Variants in TF observed in about 807,000 individuals in gnomAD.
TF encodes serotransferrin.
Under a neutral mutation model 82.4 loss-of-function variants are expected in TF, and 55 were observed. The ratio of observed to expected loss-of-function variants is 0.67; its 90% CI spans 0.54 to 0.84. The LOEUF (loss-of-function observed/expected upper bound fraction) is 0.84. TF is among the 40% of genes least tolerant of loss of function. The probability of loss-of-function intolerance (pLI) is 0.00; values close to 1 mark genes in which losing one functional copy is unlikely to be tolerated. For missense variants in TF, 737 were observed against 868.4 expected, an observed-to-expected ratio of 0.85 and a Z score of 1.90; for synonymous variants, 332 against 332.6, an observed-to-expected ratio of 1.00 and a Z score of 0.02.
chr3:133,726,804 A>C, the TF span, among the ~76,000 whole-genome samples: 2 of 151,886 alleles, frequency 1.3e-5, no homozygotes, highest in African/African-American at 4.8e-5. Context: ...TAGTGCTATA[A>C]ATTTCCCTCT....
At chr3:133,725,198 C>T in the TF span, among the ~76,000 whole-genome samples, 1 of 151,956 alleles carries the variant, frequency 6.6e-6, no homozygotes, top group Non-Finnish European at 1.5e-5. Context: ...TGAAGAAAGT[C>T]ATTGGTAGCT....
At chr3:133,687,087 T>C in the TF span, among the ~76,000 whole-genome samples, 1 of 152,106 alleles carries the variant, frequency 6.6e-6, no homozygotes, top group East Asian at 1.9e-4. Context: ...GAGCAAACTA[T>C]CGCAAGGACG....
the TF span, among the ~76,000 whole-genome samples, chr3:133,690,808 G>A: frequency 1.3e-5 from 2 of 152,300 alleles, 1 homozygote; most frequent in South Asian, 4.1e-4. Context: ...ATAATCATGA[G>A]CTGGAGCCCA....
chr3:133,708,783 T>C, the TF span, among the ~76,000 whole-genome samples: 3 of 142,616 alleles, frequency 2.1e-5, no homozygotes, highest in Admixed American at 7.1e-5. Flanking sequence ...TTTTTTTTTT[T>C]CCGAAAGAGC....
At chr3:133,720,237 G>C in the TF span, among the ~76,000 whole-genome samples, 2 of 152,168 alleles carry the variant, frequency 1.3e-5, no homozygotes, top group African/African-American at 4.8e-5. Flanking sequence ...CTATGGGTCT[G>C]TAATAGGTGG....
In TF at chr3:133,766,444, A is replaced by G; in HGVS notation, c.1486+11A>G. On this transcript the variant is annotated intron_variant, in intron 12 of 16. Coordinates refer to ENST00000402696, the MANE Select transcript of TF (RefSeq NM_001063.4). ...ACCACTGCAGATTTGGTGAGTGAAT[A>G]TTGGGAAGGAGGGCTGGTGAGGGCC... is the stretch of plus-strand genomic sequence containing the variant. The G allele has an allele frequency of 6.2e-7, 1 of 1,614,058 alleles. No homozygotes were observed. Among genetic ancestry groups the G allele is most frequent in the Non-Finnish European group, 8.5e-7 (1 of 1,179,962 alleles).
the TF span, among the ~76,000 whole-genome samples, chr3:133,733,597 G>C: frequency 1.3e-5 from 2 of 152,192 alleles, no homozygotes; most frequent in Non-Finnish European, 2.9e-5. Flanking sequence ...GGGTTTCTTA[G>C]CCAGGTACAT....
At chr3:133,724,161 G>A in the TF span, among the ~76,000 whole-genome samples, 1 of 152,142 alleles carries the variant, frequency 6.6e-6, no homozygotes, top group Non-Finnish European at 1.5e-5. Flanking sequence ...AGTCCTTTGG[G>A]TATATACCCA....
chr3:133,749,409 A>C (rs1484653225), intron 2 of TF, among the ~76,000 whole-genome samples: 6 of 152,206 alleles, frequency 3.9e-5, no homozygotes, highest in Admixed American at 6.5e-5. Context: ...GTGGTGAATT[A>C]AACACATTGG....
At chr3:133,747,520 G>T (rs1203013072) in intron 1 of TF, among the ~76,000 whole-genome samples, 1 of 152,248 alleles carries the variant, frequency 6.6e-6, no homozygotes, top group Admixed American at 6.5e-5. Flanking sequence ...CAGCCTTGCT[G>T]TGGTGGCCCA....
chr3:133,740,927 T>TC, the TF span, among the ~76,000 whole-genome samples: 1,508 of 110,076 alleles, frequency 0.014, 29 homozygotes, highest in African/African-American at 0.042. Context: ...TTTTTTTTTT[T>TC]AATTTGAGTA....
chr3:133,703,216 T>G, the TF span, among the ~76,000 whole-genome samples: 3 of 152,350 alleles, frequency 2.0e-5, no homozygotes, highest in South Asian at 6.2e-4. Flanking sequence ...CTAATTTTTC[T>G]GGAGTTACTG....
At position 133,777,141 on chromosome 3, in the gene TF, A is replaced by C. The variant is rs762282281; in HGVS notation, c.1965A>C (p.Val655=). 6.2e-7 allele frequency: 1 copy of C among 1,614,194 alleles called. No homozygotes were observed. The highest frequency in any genetic ancestry group is 1.7e-5 in the Admixed American group (1 of 60,022). ...ACCTTCTGTTCAGAGATGACACAGT[A>C]TGTTTGGCCAAACTTCATGACAGAA... is the stretch of plus-strand genomic sequence containing the variant. ...TKDLLFRDDT[V]CLAKLHDRNT... The change falls in exon 16 of 17, where the codon GTA becomes GTC. Residue 655 remains valine, a synonymous_variant. Coordinates refer to ENST00000402696, the MANE Select transcript of TF (RefSeq NM_001063.4).
the TF span, among the ~76,000 whole-genome samples, chr3:133,713,753 T>A: frequency 6.6e-6 from 1 of 152,164 alleles, no homozygotes; most frequent in Admixed American, 6.5e-5. Context: ...GAGCAAGGTT[T>A]ATGTTGCAAG....
chr3:133,671,995 T>C, the TF span, among the ~76,000 whole-genome samples: 4 of 151,884 alleles, frequency 2.6e-5, no homozygotes, highest in Admixed American at 2.6e-4. Flanking sequence ...GCAATACTAA[T>C]CAAGGAAAGT....
At chr3:133,671,451 CT>C in the TF span, among the ~76,000 whole-genome samples, 1 of 151,632 alleles carries the variant, frequency 6.6e-6, no homozygotes, top group East Asian at 1.9e-4. Context: ...AGAAGAGAGG[CT>C]GAAAAATCAG....
At chr3:133,669,688 G>A in the TF span, among the ~76,000 whole-genome samples, 1 of 152,160 alleles carries the variant, frequency 6.6e-6, no homozygotes, top group African/African-American at 2.4e-5. Flanking sequence ...CTCTCAGCCT[G>A]GATCTCTGAA....
At chr3:133,754,468 C>T (rs754605311) in intron 3 of TF, 27 bp from the exon 4 acceptor site, 1 of 1,612,988 alleles carries the variant, frequency 6.2e-7, no homozygotes, top group Non-Finnish European at 8.5e-7. Context: ...AGGCTGAGGG[C>T]CTTCCATTCA....
the TF span, among the ~76,000 whole-genome samples, chr3:133,702,409 C>A: frequency 7.9e-5 from 12 of 151,996 alleles, no homozygotes; most frequent in Admixed American, 5.9e-4. Flanking sequence ...AGCAGATCAA[C>A]CTTTTCAATC....
Sources: allele counts gnomAD v4.1 joint callset (sites outside exome capture counted in the v4.1 genomes callset), GRCh38; gene constraint gnomAD v4.1.1; transcripts MANE v1.5; gene names NCBI Gene and HGNC (gene_info 2026-07-23, HGNC 2026-07-21).